NUBPL: variants seen among roughly 807,000 people sequenced by gnomAD.
The protein encoded by NUBPL is NUBP iron-sulfur cluster assembly factor, mitochondrial, also known as iron-sulfur cluster transfer protein NUBPL.
Under a neutral mutation model 45.7 loss-of-function variants are expected in NUBPL, and 31 were observed. That is an observed-to-expected ratio of 0.68 (90% CI 0.51 to 0.92). The LOEUF (loss-of-function observed/expected upper bound fraction) is 0.92, where lower values mean the gene tolerates loss of function less well. Ranked by LOEUF, NUBPL falls within the 40% of genes least tolerant of loss-of-function variation. The pLI, the probability that NUBPL is intolerant of heterozygous loss-of-function variation, is 0.00. For synonymous variants in NUBPL, 144 were observed against 140.9 expected (o/e 1.02, Z -0.15); for missense variants, 401 against 398.7 (o/e 1.01, Z -0.05).
At chr14:31,836,468 C>T (rs1175216797) in intron 8 of NUBPL, among the ~76,000 whole-genome samples, 3 of 152,118 alleles carry the variant, frequency 2.0e-5, no homozygotes, top group Non-Finnish European at 4.4e-5. Flanking sequence ...ATACAAACAG[C>T]TTAACAGTAT....
chr14:31,619,103 A>T (rs1199708603), intron 4 of NUBPL, among the ~76,000 whole-genome samples: 1 of 152,142 alleles, frequency 6.6e-6, no homozygotes, highest in Non-Finnish European at 1.5e-5. Context: ...CTAGGATCGC[A>T]ACCCATGCTA....
At chr14:31,831,306 G>A (rs910642976) in intron 8 of NUBPL, among the ~76,000 whole-genome samples, 5 of 152,070 alleles carry the variant, frequency 3.3e-5, no homozygotes, top group Admixed American at 2.0e-4. Context: ...GTCTCCCAAA[G>A]TGCTGGGATT....
intron 4 of NUBPL, among the ~76,000 whole-genome samples, chr14:31,614,095 A>G (rs934960634): frequency 1.3e-5 from 2 of 152,192 alleles, no homozygotes; most frequent in African/African-American, 4.8e-5. Flanking sequence ...TATGGGGGAT[A>G]TGTAATGCTG....
At chr14:31,735,133 G>A (rs779788792) in intron 6 of NUBPL, among the ~76,000 whole-genome samples, 7 of 152,158 alleles carry the variant, frequency 4.6e-5, no homozygotes, top group Non-Finnish European at 1.0e-4. Flanking sequence ...GTCTGTAGAC[G>A]TTACCAAATG....
At chr14:31,706,569 C>T (rs4981117) in intron 6 of NUBPL, among the ~76,000 whole-genome samples, 46,097 of 151,974 alleles carry the variant, frequency 0.3, 7,695 homozygotes, top group South Asian at 0.41. Context: ...CTGTAAATGC[C>T]GGGTGGCATC....
intron 10 of NUBPL, among the ~76,000 whole-genome samples, chr14:31,856,363 G>C (rs925776579): frequency 2.0e-5 from 3 of 152,090 alleles, no homozygotes; most frequent in African/African-American, 7.2e-5. Context: ...GGAATTGTGG[G>C]AGTTACAATT....
intron 4 of NUBPL, among the ~76,000 whole-genome samples, chr14:31,608,056 G>A (rs1041006283): frequency 3.9e-5 from 6 of 152,154 alleles, no homozygotes; most frequent in Non-Finnish European, 7.4e-5. Context: ...CTTTTCAGTG[G>A]AAACCTTACA....
chr14:31,846,554 A>G lies in NUBPL; in HGVS notation c.777A>G (p.Ala259=), dbSNP rs368513010. 29 of 1,613,574 alleles carry G rather than the reference A, an allele frequency of 1.8e-5. No individual in the cohort carries two copies. The African/African-American group carries it at 3.1e-4, about 17-fold the overall frequency. Residue 259 remains alanine, a synonymous_variant, in exon 9 of 11, where the codon GCA becomes GCG. Coordinates refer to ENST00000281081, the MANE Select transcript of NUBPL (RefSeq NM_025152.3). ...CTCATATTTTTGGTGCTGATGGTGC[A>G]AGGAAACTAGCACAGACCCTTGGTC... ...HKTHIFGADG[A]RKLAQTLGLE...
chr14:31,692,571 T>G (rs2139866679), intron 6 of NUBPL, among the ~76,000 whole-genome samples: 1 of 152,326 alleles, frequency 6.6e-6, no homozygotes, highest in East Asian at 1.9e-4. Context: ...TCTCTAGGCT[T>G]CTGATAATGG....
intron 3 of NUBPL, among the ~76,000 whole-genome samples, chr14:31,596,382 G>A (rs1595341874): frequency 6.6e-6 from 1 of 152,184 alleles, no homozygotes; most frequent in East Asian, 1.9e-4. Context: ...GCGTGCTCTT[G>A]GTGCTAACAA....
chr14:31,701,724 G>A (rs1335755327), intron 6 of NUBPL, among the ~76,000 whole-genome samples: 2 of 152,048 alleles, frequency 1.3e-5, no homozygotes, highest in Non-Finnish European at 2.9e-5. Flanking sequence ...GCGAGACCAC[G>A]AACCCACCAG....
At chr14:31,756,378 A>G (rs1175118312) in intron 6 of NUBPL, among the ~76,000 whole-genome samples, 3 of 151,920 alleles carry the variant, frequency 2.0e-5, no homozygotes, top group Non-Finnish European at 4.4e-5. Flanking sequence ...TATTTCCTTG[A>G]GCAGTGGTTT....
intron 10 of NUBPL, among the ~76,000 whole-genome samples, chr14:31,857,727 A>G (rs2040647073): frequency 6.6e-6 from 1 of 152,184 alleles, no homozygotes; most frequent in South Asian, 2.1e-4. Context: ...CCTTTGCTTC[A>G]GTTCCCAACA....
At chr14:31,621,356 C>T (rs552502691) in intron 4 of NUBPL, among the ~76,000 whole-genome samples, 15 of 152,222 alleles carry the variant, frequency 9.9e-5, no homozygotes, top group African/African-American at 3.1e-4. Context: ...CCAGGTAGCT[C>T]GGTGTCTGCC....
chr14:31,744,747 A>T (rs920221836), intron 6 of NUBPL, among the ~76,000 whole-genome samples: 2 of 149,432 alleles, frequency 1.3e-5, no homozygotes, highest in Non-Finnish European at 3.0e-5. Flanking sequence ...TCAGCCTCCC[A>T]AGTTGCTGGG....
chr14:31,835,801 G>A (rs1481366985), intron 8 of NUBPL, among the ~76,000 whole-genome samples: 3 of 151,820 alleles, frequency 2.0e-5, no homozygotes, highest in African/African-American at 4.9e-5. Context: ...ATGCTTCAAG[G>A]AGTATACCAA....
At chr14:31,746,238 G>A (rs2038396962) in intron 6 of NUBPL, among the ~76,000 whole-genome samples, 1 of 151,906 alleles carries the variant, frequency 6.6e-6, no homozygotes, top group Admixed American at 6.5e-5. Context: ...GAATAAGAGT[G>A]GCAAGAGTGG....
chr14:31,736,417 A>G (rs2038166550), intron 6 of NUBPL, among the ~76,000 whole-genome samples: 1 of 152,164 alleles, frequency 6.6e-6, no homozygotes, highest in Non-Finnish European at 1.5e-5. Context: ...TAACCAGTAT[A>G]TGACTTCTTT....
chr14:31,814,312 G>T (rs2039872919), intron 7 of NUBPL, among the ~76,000 whole-genome samples: 1 of 152,040 alleles, frequency 6.6e-6, no homozygotes, highest in South Asian at 2.1e-4. Flanking sequence ...TCATATGTTT[G>T]TTGGCTGTAT....
Sources: allele counts gnomAD v4.1 joint callset (sites outside exome capture counted in the v4.1 genomes callset), GRCh38; gene constraint gnomAD v4.1.1; transcripts MANE v1.5; gene names NCBI Gene and HGNC (gene_info 2026-07-23, HGNC 2026-07-21).